Variants in AFF2 observed in about 807,000 individuals in gnomAD.
The protein encoded by AFF2 is AF4/FMR2 family member 2.
In AFF2, 14 loss-of-function variants were observed where a neutral mutation model predicts 76.9. That is an observed-to-expected ratio of 0.18 (90% confidence interval 0.12 to 0.28). The LOEUF (loss-of-function observed/expected upper bound fraction) is 0.28. AFF2 is among the 10% of genes least tolerant of loss of function. The pLI, the probability that AFF2 is intolerant of heterozygous loss-of-function variation, is 1.00. For synonymous variants in AFF2, 398 were observed against 366.7 expected, an observed-to-expected ratio of 1.09 and a Z score of -0.98; for missense variants, 868 against 1,001.1, an observed-to-expected ratio of 0.87 and a Z score of 1.79.
At chrX:148,807,367 A>G (rs2070149585) in intron 3 of AFF2, among the ~76,000 whole-genome samples, 1 of 112,196 alleles carries the variant, frequency 8.9e-6, no homozygotes, top group Admixed American at 9.4e-5. Flanking sequence ...ATTACAAAGC[A>G]CATTCACATC....
intron 7 of AFF2, among the ~76,000 whole-genome samples, chrX:148,885,349 A>G (rs974240245): frequency 1.8e-5 from 2 of 111,600 alleles, no homozygotes; most frequent in Non-Finnish European, 1.9e-5. Context: ...GTTAATGACT[A>G]GCCATTTCTC....
chrX:148,850,889 C>G (rs2070724290), intron 7 of AFF2, among the ~76,000 whole-genome samples: 1 of 111,671 alleles, frequency 9.0e-6, no homozygotes, highest in South Asian at 3.8e-4. Flanking sequence ...CCCAGATTCC[C>G]CAGATGGCTG....
intron 8 of AFF2, among the ~76,000 whole-genome samples, chrX:148,894,507 T>C: frequency 8.9e-6 from 1 of 111,931 alleles, no homozygotes; most frequent in Non-Finnish European, 1.9e-5. Context: ...TACAGGTGGA[T>C]GGGCGGAAAA....
chrX:148,545,762 A>G (rs1465189586), intron 1 of AFF2, among the ~76,000 whole-genome samples: 5 of 109,949 alleles, frequency 4.5e-5, no homozygotes, highest in Admixed American at 3.9e-4. Flanking sequence ...AAAAAGAGTC[A>G]CCTCGAGGGC....
At chrX:148,709,356 C>T (rs1164637421) in intron 3 of AFF2, among the ~76,000 whole-genome samples, 1 of 111,509 alleles carries the variant, frequency 9.0e-6, no homozygotes, top group Non-Finnish European at 1.9e-5. Flanking sequence ...ATGTCTCTTA[C>T]ACATCCTTGG....
rs1569555313 is a variant in AFF2 at position 148,773,686 on chromosome X, G to GAAAGAAAGAA, written c.1042-36188_1042-36179dup. ...GGAAGGAAAGAAGGAAGGAAGGAAGGAAAGAAAGAAAGAAAGAAAGAAAGA... is the reference window on the plus strand; with the variant it reads ...GGAAGGAAAGAAGGAAGGAAGGAAGGAAAGAAAGAAAAAGAAAGAAAGAAAGAAAGAAAGA... On this transcript the variant is annotated intron_variant, in intron 3 of 20. Transcript: ENST00000370460. Among the ~76,000 whole-genome samples, 4 of 14,524 alleles carry GAAAGAAAGAA rather than the reference G, an allele frequency of 2.8e-4. No homozygotes were observed. In the East Asian group the frequency reaches 5.6e-3, roughly 20 times the overall value. 12.6% of individuals were successfully genotyped at this position (14,524 alleles called of 115,157 possible). A position where few individuals can be genotyped will look rare whatever the true frequency, so the allele number is the denominator to read the frequency against.
At chrX:148,549,984 G>A (rs1403273492) in intron 1 of AFF2, among the ~76,000 whole-genome samples, 1 of 112,045 alleles carries the variant, frequency 8.9e-6, no homozygotes, top group Non-Finnish European at 1.9e-5. Flanking sequence ...TTGTCTTTTA[G>A]CTAGAAATAT....
At chrX:148,860,022 A>C (rs920734091) in intron 7 of AFF2, among the ~76,000 whole-genome samples, 2 of 111,332 alleles carry the variant, frequency 1.8e-5, no homozygotes, top group African/African-American at 6.5e-5. Context: ...TAGGATAAAA[A>C]AGGAGAAGTA....
At chrX:148,780,369 C>T (rs1318759919) in intron 3 of AFF2, among the ~76,000 whole-genome samples, 1 of 112,103 alleles carries the variant, frequency 8.9e-6, no homozygotes, top group Non-Finnish European at 1.9e-5. Flanking sequence ...TTCTCTCCTG[C>T]ACTTTCAGGT....
intron 1 of AFF2, 29 bp from the exon 2 acceptor site, chrX:148,651,970 C>A: frequency 8.9e-7 from 1 of 1,125,442 alleles, no homozygotes; most frequent in Non-Finnish European, 1.2e-6. Flanking sequence ...TAATCTTTTT[C>A]TCTTTTTGTC....
intron 9 of AFF2, among the ~76,000 whole-genome samples, chrX:148,909,196 C>T (rs782796252): frequency 8.9e-6 from 1 of 112,200 alleles, no homozygotes; most frequent in South Asian, 3.8e-4. Flanking sequence ...TCACTCACTA[C>T]CTTTGAAAAT....
chrX:148,988,896 G>C (rs370208925), intron 20 of AFF2, among the ~76,000 whole-genome samples: 22 of 112,162 alleles, frequency 2.0e-4, no homozygotes, highest in African/African-American at 7.1e-4. Flanking sequence ...GGCTCTATGA[G>C]ATTAAGAAAC....
At chrX:148,698,524 G>A (rs1047434457) in intron 3 of AFF2, among the ~76,000 whole-genome samples, 1 of 112,486 alleles carries the variant, frequency 8.9e-6, no homozygotes, top group Admixed American at 9.5e-5. Flanking sequence ...TAATATGAAG[G>A]TGATAAGACC....
rs1557231788 is a variant in AFF2 at position 148,501,164 on chromosome X, T to C, written c.47+20T>C. 8.3e-7 allele frequency: 1 copy of C among 1,209,660 alleles called. No homozygotes were observed. The highest frequency in any genetic ancestry group is 2.2e-5 in the Admixed American group (1 of 46,066). On this transcript the variant is annotated intron_variant, in intron 1 of 20. Coordinates refer to ENST00000370460, the MANE Select transcript of AFF2 (RefSeq NM_002025.4). Reference sequence around the variant, plus strand: ...GCAGTGGTAGGTGTTGATTTTTGCCTTCTCCTTTGATGAGCGAGTCTCCTG... The same window carrying C: ...GCAGTGGTAGGTGTTGATTTTTGCCCTCTCCTTTGATGAGCGAGTCTCCTG...
chrX:148,858,700 C>T (rs782812038), intron 7 of AFF2, among the ~76,000 whole-genome samples: 1 of 110,489 alleles, frequency 9.1e-6, no homozygotes, highest in African/African-American at 3.3e-5. Flanking sequence ...CAAGAAAACC[C>T]CACTTCATTC....
intron 3 of AFF2, among the ~76,000 whole-genome samples, chrX:148,741,419 G>A (rs1349557179): frequency 2.7e-5 from 3 of 110,142 alleles, no homozygotes; most frequent in African/African-American, 1.0e-4. Context: ...GGAAGTGGGG[G>A]AAAGCTGGCA....
intron 9 of AFF2, among the ~76,000 whole-genome samples, chrX:148,922,884 G>A (rs1333727080): frequency 2.7e-5 from 3 of 111,614 alleles, no homozygotes; most frequent in African/African-American, 9.8e-5. Context: ...CTCTCCCTCC[G>A]AGGCAGCAAA....
At chrX:148,505,240 G>T (rs1212923198) in intron 1 of AFF2, among the ~76,000 whole-genome samples, 1 of 111,480 alleles carries the variant, frequency 9.0e-6, no homozygotes, top group African/African-American at 3.3e-5. Context: ...TCACTAGTAA[G>T]GTCTCCTCCG....
intron 1 of AFF2, among the ~76,000 whole-genome samples, chrX:148,614,697 C>CT (rs1212335064): frequency 8.7e-5 from 3 of 34,469 alleles, no homozygotes; most frequent in African/African-American, 6.0e-4. Context: ...TCTTTCTTTT[C>CT]TTTCTTTCTT....
Sources: gnomAD v4.1 joint callset for allele counts (sites outside exome capture counted in the v4.1 genomes callset) on GRCh38, gnomAD v4.1.1 for gene constraint, MANE v1.5 for transcripts, NCBI Gene and HGNC (gene_info 2026-07-23, HGNC 2026-07-21) for gene names.